DPYD: variants seen among roughly 807,000 people sequenced by gnomAD.
The protein encoded by DPYD is dihydropyrimidine dehydrogenase.
Under a neutral mutation model 116.2 loss-of-function variants are expected in DPYD, and 109 were observed. The observed-to-expected ratio is 0.94, with a 90% CI of 0.80 to 1.10. The LOEUF (loss-of-function observed/expected upper bound fraction) is 1.10. Among genes scored for constraint, DPYD ranks in the 50% least tolerant of loss-of-function variants. DPYD has a pLI of 0.00. For synonymous variants in DPYD, 440 were observed against 432.0 expected (o/e 1.02, Z -0.23); for missense variants, 1,302 against 1,254.5 (o/e 1.04, Z -0.57).
chr1:97,874,492 T>C (rs58616354), intron 2 of DPYD, among the ~76,000 whole-genome samples: 2,313 of 152,018 alleles, frequency 0.015, 56 homozygotes, highest in African/African-American at 0.053. Context: ...TTGATCTCTC[T>C]ATACAAATGT....
chr1:97,213,527 G>A (rs1660182696), intron 19 of DPYD, among the ~76,000 whole-genome samples: 1 of 152,116 alleles, frequency 6.6e-6, no homozygotes, highest in African/African-American at 2.4e-5. Flanking sequence ...GCTAGGTACT[G>A]TGAAAATCAA....
At chr1:97,636,462 A>G (rs1268492124) in intron 8 of DPYD, among the ~76,000 whole-genome samples, 1 of 152,112 alleles carries the variant, frequency 6.6e-6, no homozygotes, top group Non-Finnish European at 1.5e-5. Context: ...CTTTATAAAT[A>G]AAATATAGAT....
chr1:97,614,715 C>CATG (rs144321999), intron 8 of DPYD, among the ~76,000 whole-genome samples: 1,993 of 152,190 alleles, frequency 0.013, 23 homozygotes, highest in Middle Eastern at 0.024. Context: ...ATTTTAAAAT[C>CATG]TTTAAGTATG....
chr1:97,279,904 T>C (rs973148830), intron 18 of DPYD: 2 of 152,232 alleles, frequency 1.3e-5, no homozygotes, highest in African/African-American at 4.8e-5. Context: ...AATGAAAGTC[T>C]GCATATTGAA....
At chr1:97,418,954 A>T (rs1674432926) in intron 14 of DPYD, among the ~76,000 whole-genome samples, 1 of 152,238 alleles carries the variant, frequency 6.6e-6, no homozygotes, top group Non-Finnish European at 1.5e-5. Flanking sequence ...CCAAGGTGGC[A>T]GCAGGGATTC....
chr1:97,913,391 A>C (rs576820476), intron 1 of DPYD, among the ~76,000 whole-genome samples: 1 of 152,208 alleles, frequency 6.6e-6, no homozygotes, highest in Admixed American at 6.5e-5. Context: ...CCATTGCCAT[A>C]TTTTATTTCA....
intron 3 of DPYD, among the ~76,000 whole-genome samples, chr1:97,787,159 C>G (rs1041681970): frequency 2.0e-5 from 3 of 152,050 alleles, no homozygotes; most frequent in African/African-American, 7.2e-5. Flanking sequence ...ACAAATAATA[C>G]CTAAATTCAG....
chr1:97,292,229 T>C (rs548359798), intron 18 of DPYD, among the ~76,000 whole-genome samples: 1 of 152,258 alleles, frequency 6.6e-6, no homozygotes, highest in East Asian at 1.9e-4. Flanking sequence ...ATAAGCTACA[T>C]TGGTCTGTTC....
At position 97,586,962 on chromosome 1, in the gene DPYD, C is replaced by T. The variant is rs1222095704; in HGVS notation, c.1128+6256G>A. Among the ~76,000 whole-genome samples, 3 of 152,182 alleles carry T rather than the reference C, an allele frequency of 2.0e-5. No individual in the cohort carries two copies. In the East Asian group the frequency reaches 5.8e-4, roughly 29 times the overall value. The stretch of plus-strand genomic sequence containing the variant: ...TTCCACATCATTCATATATATTTCT[C>T]TGAATGTTAAAAATATAAAATGAGG... On this transcript the variant is annotated intron_variant, in intron 10 of 22. Transcript: ENST00000370192.
At chr1:97,568,902 A>C (rs1380611978) in intron 11 of DPYD, among the ~76,000 whole-genome samples, 2 of 152,096 alleles carry the variant, frequency 1.3e-5, no homozygotes, top group African/African-American at 4.8e-5. Flanking sequence ...TGGGGTTTAT[A>C]GGATAATTTG....
intron 16 of DPYD, among the ~76,000 whole-genome samples, chr1:97,340,176 A>G (rs1157496819): frequency 6.6e-6 from 1 of 152,108 alleles, no homozygotes; most frequent in Admixed American, 6.6e-5. Context: ...ACCACTATAT[A>G]TGTTAATGGA....
chr1:97,539,537 C>A (rs1650271422), intron 12 of DPYD, among the ~76,000 whole-genome samples: 2 of 152,064 alleles, frequency 1.3e-5, no homozygotes, highest in Admixed American at 1.3e-4. Context: ...GCAACATGTA[C>A]ATTTAGTTGT....
At chr1:97,118,539 A>G (rs956326682) in intron 20 of DPYD, among the ~76,000 whole-genome samples, 2 of 152,214 alleles carry the variant, frequency 1.3e-5, no homozygotes, top group East Asian at 1.9e-4. Context: ...CATCAAAAAA[A>G]CATGGTTCAA....
chr1:97,154,698 C>T (rs1394672797), intron 20 of DPYD, among the ~76,000 whole-genome samples: 1 of 117,578 alleles, frequency 8.5e-6, no homozygotes, highest in Non-Finnish European at 1.7e-5. Flanking sequence ...CAAAGTGAGA[C>T]TCCATCTCAA....
intron 19 of DPYD, among the ~76,000 whole-genome samples, chr1:97,198,977 T>A (rs1267182125): frequency 6.6e-6 from 1 of 152,172 alleles, no homozygotes; most frequent in African/African-American, 2.4e-5. Context: ...TCTGACACAG[T>A]GCCCTGAATT....
chr1:97,483,205 T>C (rs936435846), intron 13 of DPYD, among the ~76,000 whole-genome samples: 9 of 152,342 alleles, frequency 5.9e-5, no homozygotes, highest in East Asian at 1.9e-4. Context: ...CCTGAAGGTA[T>C]ACTGCATACC....
In DPYD at chr1:97,915,811, C is replaced by G. The variant is rs547787666; in HGVS notation, c.39+5073G>C. Among the ~76,000 whole-genome samples, 4 of 152,204 alleles carry G rather than the reference C, an allele frequency of 2.6e-5. No individual in the cohort carries two copies. In the South Asian group the frequency reaches 6.2e-4, roughly 24 times the overall value. ...CTGAGAGGCAGAAAAATAAATTGGC[C>G]AATCCTCCATTTTGATCTCCTCTTT... On this transcript the variant is annotated intron_variant, in intron 1 of 22. Transcript: ENST00000370192.
chr1:97,589,103 T>C (rs976526741), intron 10 of DPYD, among the ~76,000 whole-genome samples: 8 of 152,194 alleles, frequency 5.3e-5, no homozygotes, highest in Non-Finnish European at 7.3e-5. Flanking sequence ...GGTGACTTAA[T>C]GCACCCTAAA....
chr1:97,099,788 G>A (rs1366018471), intron 20 of DPYD, among the ~76,000 whole-genome samples: 6 of 151,908 alleles, frequency 3.9e-5, no homozygotes, highest in South Asian at 2.1e-4. Context: ...CTTGCATAAC[G>A]CCCCAGGAAA....
Sources: gnomAD v4.1 joint callset for allele counts (sites outside exome capture counted in the v4.1 genomes callset) on GRCh38, gnomAD v4.1.1 for gene constraint, MANE v1.5 for transcripts, NCBI Gene and HGNC (gene_info 2026-07-23, HGNC 2026-07-21) for gene names.